Variants in CCSER2 observed in about 807,000 individuals in gnomAD.
CCSER2 encodes the protein coiled-coil serine rich protein 2, also known as serine-rich coiled-coil domain-containing protein 2.
CCSER2 carries 46 observed loss-of-function variants against 92.3 expected under a neutral mutation model. The ratio of observed to expected loss-of-function variants is 0.50; its 90% CI spans 0.39 to 0.64. The LOEUF is 0.64. Ranked by LOEUF, CCSER2 falls within the 30% of genes least tolerant of loss-of-function variation. CCSER2 has a pLI of 0.00. For missense variants in CCSER2, 1,244 were observed against 1,238.9 expected (o/e 1.00, Z -0.06); for synonymous variants, 433 against 431.4 (o/e 1.00, Z -0.04).
chr10:84,401,465 C>A (rs1420045531), intron 3 of CCSER2, among the ~76,000 whole-genome samples: 4 of 152,086 alleles, frequency 2.6e-5, no homozygotes, highest in African/African-American at 9.7e-5. Context: ...TCCTTAAAAG[C>A]ACAAACTACT....
intron 9 of CCSER2, among the ~76,000 whole-genome samples, chr10:84,512,577 T>C (rs1343141050): frequency 2.0e-5 from 3 of 152,218 alleles, no homozygotes; most frequent in Non-Finnish European, 4.4e-5. Flanking sequence ...TTCCTCTGAT[T>C]GTTTTTGAAA....
chr10:84,381,070 A>C (rs540884462), intron 3 of CCSER2, among the ~76,000 whole-genome samples: 1 of 152,326 alleles, frequency 6.6e-6, no homozygotes, highest in East Asian at 1.9e-4. Context: ...TAGGAAGTAC[A>C]TGCCTGAATG....
chr10:84,487,270 A>C (rs79670329), intron 9 of CCSER2, among the ~76,000 whole-genome samples: 8,876 of 152,272 alleles, frequency 0.058, 370 homozygotes, highest in Admixed American at 0.1. Context: ...GTTTTTTCCA[A>C]TTCTGTGAAG....
intron 6 of CCSER2, among the ~76,000 whole-genome samples, chr10:84,454,149 C>G (rs929605986): frequency 2.6e-5 from 4 of 152,128 alleles, no homozygotes; most frequent in Non-Finnish European, 4.4e-5. Flanking sequence ...GAGAAACTTG[C>G]GTTTCTTCTA....
At chr10:84,391,726 A>G (rs773447010) in intron 3 of CCSER2, 22 of 1,496,070 alleles carry the variant, frequency 1.5e-5, no homozygotes, top group Non-Finnish European at 2.0e-5. Context: ...TGTGTCTTCA[A>G]GAGGTGGCCC....
chr10:84,373,262 C>T (rs1275997170), intron 2 of CCSER2, among the ~76,000 whole-genome samples: 1 of 152,004 alleles, frequency 6.6e-6, no homozygotes, highest in African/African-American at 2.4e-5. Context: ...ATTATTTAAT[C>T]TATGAAGTTA....
At chr10:84,507,885 A>G (rs1849149531) in intron 9 of CCSER2, among the ~76,000 whole-genome samples, 1 of 152,204 alleles carries the variant, frequency 6.6e-6, no homozygotes. Flanking sequence ...TGAGTTTAGT[A>G]TCTGAAAGTT....
chr10:84,371,370 T>C lies in CCSER2; in HGVS notation c.318T>C (p.Asp106=). ...GTGTTCCTACTCAAGGAATGTTTGA[T>C]AAAAATGGGATAAAGGGAGGTTTGA... is the stretch of plus-strand genomic sequence containing the variant. ...EKRVPTQGMF[D]KNGIKGGLKS... The change falls in exon 2 of 10, where the codon GAT becomes GAC. Residue 106 remains aspartate (D), a synonymous_variant. Coordinates refer to ENST00000372088, the MANE Select transcript of CCSER2 (RefSeq NM_001284240.2). 6.2e-7 allele frequency: 1 copy of C among 1,613,560 alleles called. No individual in the cohort carries two copies. Among genetic ancestry groups the C allele is most frequent in the Non-Finnish European group, 8.5e-7 (1 of 1,179,786 alleles).
At chr10:84,379,273 TA>T (rs1452777323) in intron 3 of CCSER2, among the ~76,000 whole-genome samples, 4 of 152,158 alleles carry the variant, frequency 2.6e-5, no homozygotes, top group Non-Finnish European at 5.9e-5. Flanking sequence ...TTTAACATCT[TA>T]TAGGGACGTC....
At chr10:84,461,600 A>C (rs1052668995) in intron 6 of CCSER2, among the ~76,000 whole-genome samples, 10 of 150,032 alleles carry the variant, frequency 6.7e-5, no homozygotes, top group African/African-American at 2.4e-4. Flanking sequence ...GCATTTTAAA[A>C]TTTTGGTTTT....
At chr10:84,509,952 T>G (rs1181684129) in intron 9 of CCSER2, among the ~76,000 whole-genome samples, 1 of 152,188 alleles carries the variant, frequency 6.6e-6, no homozygotes, top group Non-Finnish European at 1.5e-5. Flanking sequence ...GTGATATGGT[T>G]TTTCTGACAA....
At chr10:84,380,093 A>G (rs1181467164) in intron 3 of CCSER2, among the ~76,000 whole-genome samples, 1 of 152,204 alleles carries the variant, frequency 6.6e-6, no homozygotes, top group East Asian at 1.9e-4. Flanking sequence ...AAATGGTCCT[A>G]CCAGTGTATA....
intron 6 of CCSER2, among the ~76,000 whole-genome samples, chr10:84,459,857 G>A (rs1016517893): frequency 3.3e-5 from 5 of 151,912 alleles, no homozygotes; most frequent in African/African-American, 1.2e-4. Context: ...GGTTGAGCAA[G>A]TTCTTTTATT....
chr10:84,333,435 A>G (rs1207595763), intron 1 of CCSER2, among the ~76,000 whole-genome samples: 1 of 152,206 alleles, frequency 6.6e-6, no homozygotes, highest in Non-Finnish European at 1.5e-5. Context: ...GTGACCTGCC[A>G]AGGATAACAT....
At chr10:84,476,022 T>C (rs1847116046) in intron 8 of CCSER2, among the ~76,000 whole-genome samples, 1 of 151,998 alleles carries the variant, frequency 6.6e-6, no homozygotes, top group Non-Finnish European at 1.5e-5. Context: ...TTTTTGTAGA[T>C]ACAGGGTTTT....
At position 84,488,309 on chromosome 10, in the gene CCSER2, G is replaced by A. The variant is rs191670275; in HGVS notation, c.2325+10645G>A. 6.1e-3 allele frequency among the ~76,000 whole-genome samples: 934 copies of A among 152,304 alleles called. 6 individuals carry two copies. The highest frequency in any genetic ancestry group is 0.021 in the African/African-American group (854 of 41,564). ...TCTATTGATTGGAATAGTTTCAGAAGGAATGATACCAGCTCCTCCTTGTAC... is the reference window on the plus strand; with the variant it reads ...TCTATTGATTGGAATAGTTTCAGAAAGAATGATACCAGCTCCTCCTTGTAC... On this transcript the variant is annotated intron_variant, in intron 9 of 9. Transcript: ENST00000372088.
In CCSER2 at chr10:84,516,210, A is replaced by C. The variant is rs565216513; in HGVS notation, c.*1943A>C. ...TTGACCCATTATTCCCTTACCTATC[A>C]GATGAATTTGCCATTCACTGGATAG... On this transcript the variant is annotated 3_prime_UTR_variant, in exon 10 of 10. Transcript: ENST00000372088. The C allele has an allele frequency of 6.6e-6, 1 of 152,340 alleles. No individual in the cohort carries two copies. Among genetic ancestry groups the C allele is most frequent in the Non-Finnish European group, 1.5e-5 (1 of 68,026 alleles). 9.4% of individuals were successfully genotyped at this position (152,340 alleles called of 1,614,324 possible).
In CCSER2 at chr10:84,391,474, G is replaced by C. The variant is rs568258818; in HGVS notation, c.1614+17659G>C. The C allele has an allele frequency of 4.0e-4, 628 of 1,566,068 alleles. 8 individuals are homozygous for C. In the South Asian group the frequency reaches 5.4e-3, roughly 13 times the overall value. ...GTGACCTCACAAAAGCTTGCTTTCA[G>C]CATGTTAAGCCTTGTATAGCTGATT... On this transcript the variant is annotated intron_variant, in intron 3 of 9. Coordinates refer to ENST00000372088, the MANE Select transcript of CCSER2 (RefSeq NM_001284240.2).
intron 6 of CCSER2, among the ~76,000 whole-genome samples, chr10:84,446,696 A>C (rs1465380950): frequency 6.6e-6 from 1 of 152,180 alleles, no homozygotes; most frequent in Non-Finnish European, 1.5e-5. Context: ...CCAGATTAAG[A>C]AATAAGACAT....
Sources: allele counts gnomAD v4.1 joint callset (sites outside exome capture counted in the v4.1 genomes callset), GRCh38; gene constraint gnomAD v4.1.1; transcripts MANE v1.5; gene names NCBI Gene and HGNC (gene_info 2026-07-23, HGNC 2026-07-21).